WSCD2: variants seen among roughly 807,000 people sequenced by gnomAD.
The protein encoded by WSCD2 is sialate:O-sulfotransferase 2.
A neutral mutation model predicts 55.7 loss-of-function variants in WSCD2; 28 were observed. The ratio of observed to expected loss-of-function variants is 0.50; its 90% CI spans 0.37 to 0.69. The LOEUF is 0.69. Among genes scored for constraint, WSCD2 ranks in the 30% least tolerant of loss-of-function variants. The pLI is 0.00. For missense variants in WSCD2, 616 were observed against 762.1 expected (o/e 0.81, Z 2.26); for synonymous variants, 301 against 301.9 (o/e 1.00, Z 0.03).
At chr12:108,233,078 A>T (rs1888950349) in intron 7 of WSCD2, 183 bp downstream of exon 7, 1 of 719,258 alleles carries the variant, frequency 1.4e-6, no homozygotes, top group Non-Finnish European at 2.2e-6. Flanking sequence ...CCCCACAAAC[A>T]TTTCTTAAGT....
chr12:108,150,992 G>A (rs908009807), intron 1 of WSCD2, among the ~76,000 whole-genome samples: 2 of 152,042 alleles, frequency 1.3e-5, no homozygotes, highest in African/African-American at 2.4e-5. Flanking sequence ...GTGAGCCCAC[G>A]CCCTGGCCCC....
chr12:108,165,404 T>G (rs985343726), intron 1 of WSCD2, among the ~76,000 whole-genome samples: 1 of 150,910 alleles, frequency 6.6e-6, no homozygotes, highest in African/African-American at 2.5e-5. Flanking sequence ...GTTGTTGGTG[T>G]TTTTTTTGGT....
chr12:108,214,314 C>T (rs906470478), intron 4 of WSCD2, among the ~76,000 whole-genome samples: 9 of 152,302 alleles, frequency 5.9e-5, no homozygotes, highest in Non-Finnish European at 1.0e-4. Flanking sequence ...TGCCAGCCTA[C>T]GTGTTTCTGA....
At chr12:108,201,967 T>A (rs1884744374) in intron 2 of WSCD2, among the ~76,000 whole-genome samples, 1 of 152,210 alleles carries the variant, frequency 6.6e-6, no homozygotes, top group African/African-American at 2.4e-5. Context: ...GGAGATGAGC[T>A]GATAGATTGT....
intron 5 of WSCD2, among the ~76,000 whole-genome samples, chr12:108,225,070 A>G (rs1887932406): frequency 1.3e-5 from 1 of 77,812 alleles, no homozygotes; most frequent in Non-Finnish European, 3.0e-5. Context: ...CCTTTAAGGA[A>G]GTGAGTTTAA....
At chr12:108,144,543 C>G (rs550092091) in intron 1 of WSCD2, among the ~76,000 whole-genome samples, 3 of 152,326 alleles carry the variant, frequency 2.0e-5, no homozygotes, top group South Asian at 4.1e-4. Context: ...TATCCTAGCT[C>G]TCTCCCAGTT....
rs1593138701 is a variant in WSCD2, at chr12:108,248,742, T to C, written c.*399T>C. On this transcript the variant is annotated 3_prime_UTR_variant, in exon 9 of 9. Coordinates refer to ENST00000547525, the MANE Select transcript of WSCD2 (RefSeq NM_014653.4). The surrounding 1 kb of genome is among the most constrained non-coding windows in gnomAD (Gnocchi z 4.3). The stretch of plus-strand genomic sequence containing the variant: ...TTGATGCAAGAGCCCAGGGGGCTAT[T>C]GTAAAAACTTGGCCCCAGATGCTTG... 2 of 1,000,862 alleles carry C rather than the reference T, an allele frequency of 2.0e-6. No individual in the cohort carries two copies. Among genetic ancestry groups the C allele is most frequent in the East Asian group, 2.0e-4 (2 of 10,072 alleles). The allele number at this position is 1,000,862 out of a possible 1,614,324, so 62.0% of individuals were successfully genotyped here.
At chr12:108,184,318 C>A (rs1882176757) in intron 1 of WSCD2, among the ~76,000 whole-genome samples, 2 of 152,160 alleles carry the variant, frequency 1.3e-5, no homozygotes, top group African/African-American at 4.8e-5. Context: ...CACCACCACC[C>A]CCCAAACACA....
rs1362182663 is a variant in WSCD2, at chr12:108,210,139, G to A, written c.516G>A (p.Gly172=). Residue 172 remains glycine (G), a synonymous_variant, in exon 4 of 9, where the codon GGG becomes GGA. Coordinates refer to ENST00000547525, the MANE Select transcript of WSCD2 (RefSeq NM_014653.4). The surrounding 1 kb of genome is among the most constrained non-coding windows in gnomAD (Gnocchi z 4.3). ...NCAERGYLYG[G]LEFGAECYCG... Reference sequence around the variant, plus strand: ...CCCCCAGGGGTTACCTGTATGGCGGGCTGGAGTTCGGCGCCGAGTGCTACT... The same window carrying A: ...CCCCCAGGGGTTACCTGTATGGCGGACTGGAGTTCGGCGCCGAGTGCTACT... 1 of 1,614,140 alleles carries A rather than the reference G, an allele frequency of 6.2e-7. No homozygotes were observed. The highest frequency in any genetic ancestry group is 8.5e-7 in the Non-Finnish European group (1 of 1,180,012).
At chr12:108,152,008 G>GGC (rs1565919363) in intron 1 of WSCD2, among the ~76,000 whole-genome samples, 1 of 152,136 alleles carries the variant, frequency 6.6e-6, no homozygotes, top group African/African-American at 2.4e-5. Context: ...TTCCAAGGGC[G>GGC]GCGTCGCTGC....
At chr12:108,160,547 C>T (rs1878956755) in intron 1 of WSCD2, among the ~76,000 whole-genome samples, 1 of 152,076 alleles carries the variant, frequency 6.6e-6, no homozygotes, top group Non-Finnish European at 1.5e-5. Context: ...AGGTGCCACA[C>T]ACTTAAACAG....
Position 108,246,687 on chromosome 12 carries a change from A to G in WSCD2, c.1346-1304A>G, listed in dbSNP as rs115598853. Among the ~76,000 whole-genome samples, 1,237 of 152,302 alleles carry G rather than the reference A, an allele frequency of 8.1e-3. 31 individuals are homozygous for G. The highest frequency in any genetic ancestry group is 0.029 in the African/African-American group (1,200 of 41,562). On this transcript the variant is annotated intron_variant, in intron 8 of 8. Transcript: ENST00000547525. ...GCATGACAATCCATCCTGTCATTTCACCATGACACTTCCATGAAAAATGAA... is the reference window on the plus strand; with the variant it reads ...GCATGACAATCCATCCTGTCATTTCGCCATGACACTTCCATGAAAAATGAA...
chr12:108,191,997 G>A (rs991095321), intron 1 of WSCD2, among the ~76,000 whole-genome samples: 2 of 152,210 alleles, frequency 1.3e-5, no homozygotes, highest in African/African-American at 2.4e-5. Context: ...GAGAAGAGAT[G>A]TGTTGGAATA....
At chr12:108,170,957 A>C (rs1451905143) in intron 1 of WSCD2, among the ~76,000 whole-genome samples, 1 of 152,188 alleles carries the variant, frequency 6.6e-6, no homozygotes, top group Non-Finnish European at 1.5e-5. Flanking sequence ...TCAAAGGTCC[A>C]CATGAGACCA....
At chr12:108,168,132 A>G (rs1395410361) in intron 1 of WSCD2, among the ~76,000 whole-genome samples, 1 of 152,226 alleles carries the variant, frequency 6.6e-6, no homozygotes, top group Non-Finnish European at 1.5e-5. Context: ...AGTCAGAGTG[A>G]TGAATGGGGG....
chr12:108,232,720 G>T lies in WSCD2; in HGVS notation c.980-11G>T. 1 of 1,605,910 alleles carries T rather than the reference G, an allele frequency of 6.2e-7. No individual in the cohort carries two copies. Among genetic ancestry groups the T allele is most frequent in the Non-Finnish European group, 8.5e-7 (1 of 1,175,378 alleles). On this transcript the variant is annotated splice_polypyrimidine_tract_variant and intron_variant, in intron 6 of 8. Coordinates refer to ENST00000547525, the MANE Select transcript of WSCD2 (RefSeq NM_014653.4). The stretch of plus-strand genomic sequence containing the variant: ...TGGTGTTGACCTCTGTCCATGCTCC[G>T]CCCTTTTCAGACAACCGTTGCATGG...
intron 1 of WSCD2, among the ~76,000 whole-genome samples, chr12:108,170,081 T>G (rs1276398666): frequency 6.6e-6 from 1 of 152,186 alleles, no homozygotes; most frequent in Admixed American, 6.5e-5. Context: ...CCCAAAGGCA[T>G]TCTTAAAGCT....
intron 1 of WSCD2, among the ~76,000 whole-genome samples, chr12:108,156,620 G>A (rs1878536668): frequency 6.6e-6 from 1 of 152,178 alleles, no homozygotes; most frequent in Non-Finnish European, 1.5e-5. Flanking sequence ...GGACAGGTGT[G>A]GGTTGTGGGT....
At chr12:108,196,727 G>T (rs547632620) in intron 2 of WSCD2, among the ~76,000 whole-genome samples, 1 of 152,230 alleles carries the variant, frequency 6.6e-6, no homozygotes, top group African/African-American at 2.4e-5. Flanking sequence ...CTGTCTCTCA[G>T]TCCATCTTGC....
Sources: allele counts gnomAD v4.1 joint callset (sites outside exome capture counted in the v4.1 genomes callset), GRCh38; gene constraint gnomAD v4.1.1; non-coding constraint Gnocchi (gnomAD v3.1); transcripts MANE v1.5; gene names NCBI Gene and HGNC (gene_info 2026-07-23, HGNC 2026-07-21).